Variants in CDKAL1 observed in about 807,000 individuals in gnomAD.
CDKAL1 encodes threonylcarbamoyladenosine tRNA methylthiotransferase.
CDKAL1 carries 32 observed loss-of-function variants against 68.2 expected under a neutral mutation model. The observed-to-expected ratio is 0.47, with a 90% CI of 0.35 to 0.63. CDKAL1 has a LOEUF of 0.63. Ranked by LOEUF, CDKAL1 falls within the 30% of genes least tolerant of loss-of-function variation. The pLI is 0.00. For missense variants in CDKAL1, 606 were observed against 696.7 expected (o/e 0.87, Z 1.47); for synonymous variants, 234 against 244.3 (o/e 0.96, Z 0.39).
At chr6:20,821,501 C>T (rs1201214834) in intron 8 of CDKAL1, among the ~76,000 whole-genome samples, 1 of 152,176 alleles carries the variant, frequency 6.6e-6, no homozygotes, top group Non-Finnish European at 1.5e-5. Context: ...CTCCATAGCA[C>T]TTATTGCTCT....
At chr6:21,054,476 T>C (rs1770722048) in intron 11 of CDKAL1, among the ~76,000 whole-genome samples, 2 of 152,216 alleles carry the variant, frequency 1.3e-5, no homozygotes, top group South Asian at 4.1e-4. Flanking sequence ...CAGCTTGTCA[T>C]TTTCAGCAGA....
At chr6:21,216,927 T>C (rs1326829318) in intron 15 of CDKAL1, among the ~76,000 whole-genome samples, 1 of 152,148 alleles carries the variant, frequency 6.6e-6, no homozygotes, top group East Asian at 1.9e-4. Flanking sequence ...AGTGTACAGC[T>C]CCCACCTTAC....
intron 13 of CDKAL1, among the ~76,000 whole-genome samples, chr6:21,140,794 G>A (rs1347621508): frequency 5.3e-5 from 8 of 152,186 alleles, no homozygotes; most frequent in Admixed American, 2.0e-4. Context: ...TCCGTTTTCA[G>A]GCTGCTGATA....
intron 4 of CDKAL1, among the ~76,000 whole-genome samples, chr6:20,557,068 A>AATGAAAAATAAATAAATAC (rs1764083357): frequency 6.7e-6 from 1 of 149,820 alleles, no homozygotes; most frequent in Non-Finnish European, 1.5e-5. Context: ...TAAATAAATA[A>AATGAAAAATAAATAAATAC]ATAAATAAAT....
intron 12 of CDKAL1, among the ~76,000 whole-genome samples, chr6:21,092,420 C>G (rs1773088420): frequency 6.6e-6 from 1 of 151,956 alleles, no homozygotes; most frequent in Admixed American, 6.6e-5. Context: ...CCTTTTGCCC[C>G]CCACTCCCCT....
rs1773762406 is a variant in CDKAL1 at position 20,748,554 on chromosome 6, G to GAAAAAAAAAAAAAAAAAAAAAAAAAAAA, written c.468+8939_468+8940insAAAAAAAAAAAAAAAAAAAAAAAAAAAA. 3.9e-5 allele frequency among the ~76,000 whole-genome samples: 3 copies of GAAAAAAAAAAAAAAAAAAAAAAAAAAAA among 77,106 alleles called. 1 individual carries two copies. The highest frequency in any genetic ancestry group is 1.4e-4 in the African/African-American group (3 of 20,998). 50.6% of individuals were successfully genotyped at this position (77,106 alleles called of 152,430 possible). A position where few individuals can be genotyped will look rare whatever the true frequency, so the allele number is the denominator to read the frequency against. On this transcript the variant is annotated intron_variant, in intron 6 of 15. Coordinates refer to ENST00000274695, the MANE Select transcript of CDKAL1 (RefSeq NM_017774.3). ...GGAAAGAGAGCAAGACTCTGTTTCT[G>GAAAAAAAAAAAAAAAAAAAAAAAAAAAA]GAAAAAAAAAAAAAAAAAAAAAAAA...
At chr6:21,129,474 G>GT (rs938175926) in intron 13 of CDKAL1, among the ~76,000 whole-genome samples, 2 of 151,892 alleles carry the variant, frequency 1.3e-5, no homozygotes, top group African/African-American at 4.8e-5. Context: ...AAAGCCTATG[G>GT]TAAGAAGGCT....
At chr6:21,205,830 CTTTTTT>C (rs34849597) in intron 15 of CDKAL1, among the ~76,000 whole-genome samples, 3 of 66,610 alleles carry the variant, frequency 4.5e-5, no homozygotes, top group Non-Finnish European at 7.7e-5. Flanking sequence ...CGCGCCCAGC[CTTTTTT>C]TTTTTTTTTT....
chr6:20,984,539 T>C (rs990847590), intron 10 of CDKAL1, among the ~76,000 whole-genome samples: 3 of 152,128 alleles, frequency 2.0e-5, no homozygotes, highest in East Asian at 1.9e-4. Flanking sequence ...GCACCCAAAT[T>C]CTTGTCTGGC....
chr6:20,705,312 T>C (rs1411945025), intron 5 of CDKAL1, among the ~76,000 whole-genome samples: 1 of 152,224 alleles, frequency 6.6e-6, no homozygotes, highest in Admixed American at 6.5e-5. Flanking sequence ...TGTTTAATAT[T>C]ACTGAGCACA....
chr6:21,150,840 A>C (rs1419241347), intron 13 of CDKAL1, among the ~76,000 whole-genome samples: 1 of 152,210 alleles, frequency 6.6e-6, no homozygotes, highest in East Asian at 1.9e-4. Context: ...ATGAAATGTC[A>C]CATTACTATG....
chr6:21,140,839 T>G (rs566833206), intron 13 of CDKAL1, among the ~76,000 whole-genome samples: 1 of 152,260 alleles, frequency 6.6e-6, no homozygotes. Context: ...AAAAGAGGTT[T>G]AATTGGACTT....
At chr6:20,883,857 T>A (rs1480500907) in intron 9 of CDKAL1, among the ~76,000 whole-genome samples, 2 of 152,082 alleles carry the variant, frequency 1.3e-5, no homozygotes, top group Admixed American at 1.3e-4. Context: ...TTGCACCCAG[T>A]AAAGAAAAAT....
At chr6:20,619,231 T>A (rs1767067710) in intron 4 of CDKAL1, among the ~76,000 whole-genome samples, 1 of 152,184 alleles carries the variant, frequency 6.6e-6, no homozygotes, top group South Asian at 2.1e-4. Flanking sequence ...CTCTTGTGCA[T>A]CTATAAAATT....
chr6:20,850,475 G>A (rs1758947682), intron 9 of CDKAL1, among the ~76,000 whole-genome samples: 2 of 151,512 alleles, frequency 1.3e-5, no homozygotes, highest in African/African-American at 4.9e-5. Flanking sequence ...ATTTTTTTGA[G>A]GTGAGATCTC....
At chr6:21,099,864 T>C (rs78618726) in intron 12 of CDKAL1, among the ~76,000 whole-genome samples, 2 of 152,250 alleles carry the variant, frequency 1.3e-5, no homozygotes, top group African/African-American at 4.8e-5. Context: ...GCAACACTTA[T>C]TACTGCAAAT....
At chr6:20,840,066 A>T (rs1400703911) in intron 8 of CDKAL1, among the ~76,000 whole-genome samples, 8 of 152,220 alleles carry the variant, frequency 5.3e-5, no homozygotes, top group Admixed American at 1.3e-4. Flanking sequence ...GTGATAAAGG[A>T]AATTCAAATG....
chr6:20,581,456 G>A (rs1490482640), intron 4 of CDKAL1, among the ~76,000 whole-genome samples: 1 of 151,888 alleles, frequency 6.6e-6, no homozygotes, highest in African/African-American at 2.4e-5. Flanking sequence ...TAATGTTTGG[G>A]GCAAACTAAA....
At chr6:21,092,052 C>A (rs578163911) in intron 12 of CDKAL1, among the ~76,000 whole-genome samples, 38 of 150,850 alleles carry the variant, frequency 2.5e-4, no homozygotes, top group Admixed American at 4.0e-4. Context: ...ACGCCTGGCT[C>A]ATTTTTTGTA....
Sources: allele counts gnomAD v4.1 joint callset (sites outside exome capture counted in the v4.1 genomes callset), GRCh38; gene constraint gnomAD v4.1.1; transcripts MANE v1.5; gene names NCBI Gene and HGNC (gene_info 2026-07-23, HGNC 2026-07-21).